The following A2M variants were observed in gnomAD, a reference collection of about 807,000 sequenced individuals.
A2M encodes the protein C3 and PZP-like alpha-2-macroglobulin domain-containing protein 5.
In A2M, 128 loss-of-function variants were observed where a neutral mutation model predicts 183.9. That is an observed-to-expected ratio of 0.70 (90% CI 0.60 to 0.81). A2M has a LOEUF of 0.81. Among genes scored for constraint, A2M ranks in the 30% least tolerant of loss-of-function variants. A2M has a pLI of 0.00. For synonymous variants in A2M, 592 were observed against 670.8 expected (o/e 0.88, Z 1.81); for missense variants, 1,495 against 1,787.6 (o/e 0.84, Z 2.95).
At chr12:9,094,374 T>TAC (rs1555158016) in intron 17 of A2M, among the ~76,000 whole-genome samples, 67 of 139,634 alleles carry the variant, frequency 4.8e-4, no homozygotes, top group African/African-American at 1.5e-3. Context: ...TATATATATA[T>TAC]ACCTATACAT....
intron 27 of A2M, 53 bp from the exon 28 acceptor site, chr12:9,076,989 A>C: frequency 6.8e-7 from 1 of 1,480,660 alleles, no homozygotes; most frequent in Non-Finnish European, 9.0e-7. Flanking sequence ...GCATATTAGC[A>C]TTCCCAGGCA....
chr12:9,107,050 C>T (rs149065679), intron 8 of A2M, among the ~76,000 whole-genome samples: 2 of 152,304 alleles, frequency 1.3e-5, no homozygotes, highest in African/African-American at 4.8e-5. Flanking sequence ...TTGAAATACA[C>T]AGTACATCTG....
intron 16 of A2M, 57 bp from the exon 17 acceptor site, chr12:9,095,141 A>G (rs1949334868): frequency 1.1e-6 from 1 of 890,932 alleles, no homozygotes; most frequent in Admixed American, 3.0e-5. Context: ...ATACATAGGT[A>G]GCTACTTCTT....
intron 18 of A2M, 62 bp downstream of exon 18, chr12:9,093,401 CAA>C: frequency 3.6e-6 from 4 of 1,115,538 alleles, no homozygotes; most frequent in Non-Finnish European, 1.4e-6. Flanking sequence ...GAAAAACTAG[CAA>C]AGAGTTGAAA....
intron 4 of A2M, among the ~76,000 whole-genome samples, chr12:9,111,204 G>A (rs879298392): frequency 4.6e-5 from 7 of 151,928 alleles, no homozygotes; most frequent in African/African-American, 7.3e-5. Context: ...CTTCTCATGC[G>A]CTGTGTATCA....
At chr12:9,081,145 T>G (rs906886198) in intron 22 of A2M, among the ~76,000 whole-genome samples, 2 of 152,108 alleles carry the variant, frequency 1.3e-5, no homozygotes, top group African/African-American at 4.8e-5. Flanking sequence ...GATAAAGAAT[T>G]AGTGTCATAC....
chr12:9,098,753 C>T lies in A2M; in HGVS notation c.1705G>A (p.Asp569Asn), dbSNP rs1361985635. Residue 569 changes from aspartate (D) to asparagine (N), a missense_variant, in exon 15 of 36, where the codon GAT becomes AAT. Transcript: ENST00000318602. ...DVENCLANKVDLSFSPSQSLP... is the reference protein window; with the variant it reads ...DVENCLANKVNLSFSPSQSLP... The stretch of plus-strand genomic sequence containing the variant: ...CTTTGTGATGGGCTGAAGCTCAAAT[C>T]CACCTGTGAAATTGGAACAAAAGGT... The T allele has an allele frequency of 3.1e-6, 5 of 1,612,556 alleles. No homozygotes were observed. In the Admixed American group the frequency reaches 8.4e-5, roughly 27 times the overall value.
chr12:9,076,715 C>T (rs1373854488), intron 28 of A2M, 41 bp downstream of exon 28: 1 of 1,610,180 alleles, frequency 6.2e-7, no homozygotes, highest in South Asian at 1.1e-5. Context: ...GTTCTTGATA[C>T]AGAGGATGGG....
intron 5 of A2M, 61 bp from the exon 6 acceptor site, chr12:9,110,096 A>G (rs1938611176): frequency 2.6e-6 from 4 of 1,532,700 alleles, no homozygotes; most frequent in African/African-American, 1.4e-5. Context: ...CTAATAAAAG[A>G]TATCTATGGA....
rs772793951 is a variant in A2M at position 9,113,548 on chromosome 12, G to A, written c.87-5C>T. 5.0e-6 allele frequency: 8 copies of A among 1,612,000 alleles called. No homozygotes were observed. The African/African-American group carries it at 1.1e-4, about 22-fold the overall frequency. ...GGGACCAGAACCATATACTGCCTGG[G>A]AATGAGACGGTTCAGTTAGAGGAAA... On this transcript the variant is annotated splice_polypyrimidine_tract_variant and splice_region_variant and intron_variant, in intron 1 of 35. Transcript: ENST00000318602.
chr12:9,076,366 G>A (rs1948748176), intron 28 of A2M, among the ~76,000 whole-genome samples: 1 of 152,208 alleles, frequency 6.6e-6, no homozygotes, highest in African/African-American at 2.4e-5. Flanking sequence ...TGAAGGAACT[G>A]AAACACAAGG....
At chr12:9,070,016 A>C (rs1391646582) in intron 32 of A2M, among the ~76,000 whole-genome samples, 1 of 152,232 alleles carries the variant, frequency 6.6e-6, no homozygotes, top group South Asian at 2.1e-4. Context: ...TAATGTGTAA[A>C]GTTATTTATC....
chr12:9,108,273 T>C (rs1334249059), intron 7 of A2M, among the ~76,000 whole-genome samples: 2 of 152,022 alleles, frequency 1.3e-5, no homozygotes, highest in Admixed American at 1.3e-4. Context: ...CTACAGGCGC[T>C]GGCCACCATG....
At chr12:9,108,763 G>A (rs138567820) in intron 7 of A2M, among the ~76,000 whole-genome samples, 51 of 100,850 alleles carry the variant, frequency 5.1e-4, no homozygotes, top group African/African-American at 2.6e-3. Flanking sequence ...GAGAAATCAC[G>A]TTCAGTCTCT....
At chr12:9,071,610 T>C (rs980611258) in intron 31 of A2M, among the ~76,000 whole-genome samples, 2 of 152,142 alleles carry the variant, frequency 1.3e-5, no homozygotes, top group African/African-American at 4.8e-5. Context: ...AACCCTCAAG[T>C]AGGCTCTGGT....
chr12:9,068,891 T>C, intron 33 of A2M, 49 bp from the exon 34 acceptor site: 1 of 1,370,810 alleles, frequency 7.3e-7, no homozygotes, highest in African/African-American at 1.4e-5. Context: ...CTTTCTTCTC[T>C]CTTTGAATTA....
intron 22 of A2M, 64 bp from the exon 23 acceptor site, chr12:9,080,241 C>G: frequency 8.6e-7 from 1 of 1,157,204 alleles, no homozygotes; most frequent in Non-Finnish European, 1.3e-6. Context: ...CTAAACAGCT[C>G]TATGACCCAG....
At chr12:9,099,703 A>G (rs1937675198) in intron 13 of A2M, among the ~76,000 whole-genome samples, 180 bp from the exon 14 acceptor site, 2 of 152,156 alleles carry the variant, frequency 1.3e-5, no homozygotes, top group African/African-American at 4.8e-5. Context: ...TACTCTGTTG[A>G]TTTTTCACCA....
chr12:9,086,229 G>C (rs1433940222), intron 22 of A2M, among the ~76,000 whole-genome samples: 1 of 152,128 alleles, frequency 6.6e-6, no homozygotes, highest in African/African-American at 2.4e-5. Context: ...GAATATAGAT[G>C]CAAAAATCCT....
Sources: allele counts gnomAD v4.1 joint callset (sites outside exome capture counted in the v4.1 genomes callset), GRCh38; gene constraint gnomAD v4.1.1; transcripts MANE v1.5; gene names NCBI Gene and HGNC (gene_info 2026-07-23, HGNC 2026-07-21).